The following PREX1 variants were observed in gnomAD, a reference collection of about 807,000 sequenced individuals.
PREX1 encodes the protein phosphatidylinositol-3,4,5-trisphosphate dependent Rac exchange factor 1.
Under a neutral mutation model 198.3 loss-of-function variants are expected in PREX1, and 41 were observed. The ratio of observed to expected loss-of-function variants is 0.21; its 90% CI spans 0.16 to 0.27. PREX1 has a LOEUF of 0.27. PREX1 is among the 10% of genes least tolerant of loss of function. The pLI is 1.00. For synonymous variants in PREX1, 843 were observed against 887.2 expected, an observed-to-expected ratio of 0.95 and a Z score of 0.89; for missense variants, 1,620 against 2,200.7, an observed-to-expected ratio of 0.74 and a Z score of 5.28.
upstream of PREX1, among the ~76,000 whole-genome samples, chr20:48,828,091 G>A (rs1600540193): frequency 6.8e-6 from 1 of 148,030 alleles, no homozygotes; most frequent in African/African-American, 2.4e-5. Context: ...CCAGACGGCT[G>A]GCCCCCCGCC....
chr20:48,753,376 G>T (rs1204451196), intron 1 of PREX1, among the ~76,000 whole-genome samples: 4 of 152,122 alleles, frequency 2.6e-5, no homozygotes, highest in Non-Finnish European at 5.9e-5. Context: ...GAGCCCAGTG[G>T]TTCTCAACTT....
At chr20:48,748,452 A>C (rs1449800037) in intron 1 of PREX1, among the ~76,000 whole-genome samples, 1 of 152,018 alleles carries the variant, frequency 6.6e-6, no homozygotes, top group Non-Finnish European at 1.5e-5. Context: ...TGCAAAAACA[A>C]ACACACACAC....
chr20:48,875,883 G>A, the PREX1 span, among the ~76,000 whole-genome samples: 25 of 152,196 alleles, frequency 1.6e-4, no homozygotes, highest in Admixed American at 5.2e-4. Context: ...TGCCCAGCTG[G>A]TGTGGAGAAG....
chr20:48,717,686 T>C (rs986804644), intron 5 of PREX1, among the ~76,000 whole-genome samples: 27 of 152,294 alleles, frequency 1.8e-4, no homozygotes, highest in African/African-American at 6.5e-4. Context: ...GCTGCATGTC[T>C]AGGAAAACTG....
At chr20:48,696,596 T>TAC (rs201455888) in intron 7 of PREX1, among the ~76,000 whole-genome samples, 1 of 139,922 alleles carries the variant, frequency 7.1e-6, no homozygotes, top group East Asian at 2.0e-4. Flanking sequence ...GCTGATCATT[T>TAC]ACACACACAC....
chr20:48,708,281 C>T lies in PREX1; in HGVS notation c.762G>A (p.Gln254=), dbSNP rs750850219. ...MEKLEALEQL[Q]SHIEGWEGSN... Reference sequence around the variant, plus strand: ...ACACCTCCCAGCCTTCGATGTGGGACTGCAGCTGCTCCAGGGCTTCCAGCT... The same window carrying T: ...ACACCTCCCAGCCTTCGATGTGGGATTGCAGCTGCTCCAGGGCTTCCAGCT... The change falls in exon 6 of 40, where the codon CAG becomes CAA. Residue 254 remains glutamine (Q), a synonymous_variant. Transcript: ENST00000371941. 1.9e-6 allele frequency: 3 copies of T among 1,614,074 alleles called. No homozygotes were observed. In the Admixed American group the frequency reaches 5.0e-5, roughly 27 times the overall value.
the PREX1 span, among the ~76,000 whole-genome samples, chr20:48,878,930 C>G: frequency 6.6e-6 from 1 of 152,184 alleles, no homozygotes; most frequent in East Asian, 1.9e-4. Context: ...TATTGAGGCT[C>G]CCAAGCCACC....
At chr20:48,762,235 C>T (rs939928300) in intron 1 of PREX1, among the ~76,000 whole-genome samples, 8 of 152,356 alleles carry the variant, frequency 5.3e-5, no homozygotes, top group Non-Finnish European at 8.8e-5. Context: ...CACAACCCAG[C>T]TTCTCCCTAC....
chr20:48,750,612 C>A (rs1196382462), intron 1 of PREX1, among the ~76,000 whole-genome samples: 1 of 152,194 alleles, frequency 6.6e-6, no homozygotes, highest in Non-Finnish European at 1.5e-5. Context: ...TGTTCTCCCC[C>A]ATTCTGCCCT....
intron 7 of PREX1, among the ~76,000 whole-genome samples, chr20:48,698,031 C>T: frequency 6.6e-6 from 1 of 152,182 alleles, no homozygotes; most frequent in Non-Finnish European, 1.5e-5. Context: ...CCACCATTGC[C>T]CAATCTCCTG....
rs191718170 is a variant in PREX1 at position 48,662,287 on chromosome 20, A to C, written c.1739-2226T>G. Among the ~76,000 whole-genome samples the C allele has an allele frequency of 1.7e-3, 262 of 152,326 alleles. 1 individual carries two copies. Among genetic ancestry groups the C allele is most frequent in the African/African-American group, 5.6e-3 (232 of 41,580 alleles). Reference sequence around the variant, plus strand: ...TTCCAGGAGTGGGAGGAAGAATTGCAATGTTGCATATTGGCCAAAATATTT... The same window carrying C: ...TTCCAGGAGTGGGAGGAAGAATTGCCATGTTGCATATTGGCCAAAATATTT... On this transcript the variant is annotated intron_variant, in intron 15 of 39. Transcript: ENST00000371941.
chr20:48,745,922 C>CCT (rs1209376823), intron 2 of PREX1, among the ~76,000 whole-genome samples: 1 of 152,214 alleles, frequency 6.6e-6, no homozygotes. Context: ...GTTAACCCTT[C>CCT]CTGCAATGTA....
rs1334733335 is a variant in PREX1, at chr20:48,624,263, AACTG to A, written c.*1618_*1621del. The A allele has an allele frequency of 1.3e-5, 2 of 152,330 alleles. No homozygotes were observed. Among genetic ancestry groups the A allele is most frequent in the Admixed American group, 6.6e-5 (1 of 15,254 alleles). The allele number at this position is 152,330 out of a possible 1,614,324, so 9.4% of individuals were successfully genotyped here. A position where few individuals can be genotyped will look rare whatever the true frequency, so the allele number is the denominator to read the frequency against. On this transcript the variant is annotated 3_prime_UTR_variant, in exon 40 of 40. Transcript: ENST00000371941. The stretch of plus-strand genomic sequence containing the variant: ...TCACAGCCTCGTTCTTTGTATTATA[AACTG>A]ACTTTTAATAATAATAAAAAATCTA...
intron 10 of PREX1, among the ~76,000 whole-genome samples, chr20:48,688,280 A>G (rs2089796963): frequency 6.6e-6 from 1 of 152,152 alleles, no homozygotes. Context: ...GGGTCTTGCC[A>G]GCATTAATTT....
the PREX1 span, among the ~76,000 whole-genome samples, chr20:48,863,440 A>T: frequency 2.1e-4 from 32 of 150,372 alleles, no homozygotes; most frequent in East Asian, 4.5e-3. Flanking sequence ...TCACCTTTTC[A>T]TCCCTCCCCG....
intron 14 of PREX1, among the ~76,000 whole-genome samples, chr20:48,675,746 A>T (rs1383104059): frequency 6.6e-6 from 1 of 152,176 alleles, no homozygotes; most frequent in African/African-American, 2.4e-5. Flanking sequence ...CCACTTAAAA[A>T]TTATCAAGAT....
intron 31 of PREX1, 22 bp downstream of exon 31, chr20:48,637,689 C>G (rs756813612): frequency 5.6e-6 from 9 of 1,601,774 alleles, no homozygotes; most frequent in Non-Finnish European, 7.7e-6. Context: ...ATGTGCCCCC[C>G]ACACACCTTT....
intron 1 of PREX1, among the ~76,000 whole-genome samples, chr20:48,799,708 G>A (rs999854152): frequency 6.6e-6 from 1 of 152,196 alleles, no homozygotes; most frequent in Non-Finnish European, 1.5e-5. Flanking sequence ...CAGAGAGGTT[G>A]TCCTGCAGGC....
intron 1 of PREX1, among the ~76,000 whole-genome samples, chr20:48,794,018 C>T (rs1471493086): frequency 1.3e-5 from 2 of 152,156 alleles, no homozygotes; most frequent in South Asian, 2.1e-4. Flanking sequence ...ATGACCTCAC[C>T]GGGCTAAAGG....
Sources: gnomAD v4.1 joint callset for allele counts (sites outside exome capture counted in the v4.1 genomes callset) on GRCh38, gnomAD v4.1.1 for gene constraint, MANE v1.5 for transcripts, NCBI Gene and HGNC (gene_info 2026-07-23, HGNC 2026-07-21) for gene names.